Variants in ABCC4 observed in about 807,000 individuals in gnomAD.
ABCC4 encodes the protein ATP-binding cassette sub-family C member 4.
A neutral mutation model predicts 168.5 loss-of-function variants in ABCC4; 102 were observed. The ratio of observed to expected loss-of-function variants is 0.61; its 90% CI spans 0.52 to 0.71. ABCC4 has a LOEUF of 0.71. Ranked by LOEUF, ABCC4 falls within the 30% of genes least tolerant of loss-of-function variation. The probability of loss-of-function intolerance (pLI) is 0.00; values close to 1 mark genes in which losing one functional copy is unlikely to be tolerated. For synonymous variants in ABCC4, 617 were observed against 590.7 expected (o/e 1.04, Z -0.65); for missense variants, 1,402 against 1,605.8 (o/e 0.87, Z 2.17).
chr13:95,232,128 A>G (rs9524852), intron 4 of ABCC4, among the ~76,000 whole-genome samples: 6,280 of 135,236 alleles, frequency 0.046, 200 homozygotes, highest in South Asian at 0.096. Context: ...GCTGATGATG[A>G]TGGTGGTGGT....
intron 8 of ABCC4, 51 bp downstream of exon 8, chr13:95,206,481 T>C (rs775591548): frequency 1.3e-6 from 2 of 1,593,840 alleles, no homozygotes; most frequent in Non-Finnish European, 8.6e-7. Context: ...AAAGGAGACA[T>C]CATTCTACTT....
intron 1 of ABCC4, among the ~76,000 whole-genome samples, chr13:95,283,377 T>G (rs1461011493): frequency 9.9e-6 from 1 of 101,376 alleles, no homozygotes; most frequent in African/African-American, 4.2e-5. Context: ...TTTTTTTTTT[T>G]TTTTTTTTTT....
intron 19 of ABCC4, among the ~76,000 whole-genome samples, chr13:95,152,535 A>G (rs74242544): frequency 0.072 from 10,961 of 152,280 alleles, 506 homozygotes; most frequent in South Asian, 0.14. Flanking sequence ...CAAGGCTAAC[A>G]TAAGACAAGG....
chr13:95,239,702 A>C (rs1211213573), intron 3 of ABCC4, among the ~76,000 whole-genome samples: 1 of 152,188 alleles, frequency 6.6e-6, no homozygotes, highest in Non-Finnish European at 1.5e-5. Flanking sequence ...GCAATAACAA[A>C]AAATCCATTA....
At chr13:95,047,781 C>T (rs574007190) in intron 27 of ABCC4, among the ~76,000 whole-genome samples, 35 of 152,324 alleles carry the variant, frequency 2.3e-4, no homozygotes, top group Middle Eastern at 3.4e-3. Context: ...CTACGCCCAG[C>T]CGCCTATTTT....
intron 26 of ABCC4, among the ~76,000 whole-genome samples, chr13:95,053,449 T>C (rs946465559): frequency 6.6e-6 from 1 of 152,204 alleles, no homozygotes; most frequent in Non-Finnish European, 1.5e-5. Context: ...ACAGGCCTGA[T>C]GTTTAAAACT....
chr13:95,062,886 T>C, intron 25 of ABCC4, 27 bp from the exon 26 acceptor site: 1 of 1,371,162 alleles, frequency 7.3e-7, no homozygotes, highest in Non-Finnish European at 9.6e-7. Flanking sequence ...GCGGCAGGAT[T>C]AAAAAAAAAA....
chr13:95,095,950 C>T (rs910457681), intron 20 of ABCC4: 1 of 390,946 alleles, frequency 2.6e-6, no homozygotes, highest in Non-Finnish European at 4.5e-6. Flanking sequence ...TAAATAGGTG[C>T]TTACCCAAAT....
intron 1 of ABCC4, among the ~76,000 whole-genome samples, chr13:95,285,794 G>A (rs566450707): frequency 1.2e-4 from 18 of 152,138 alleles, no homozygotes; most frequent in Non-Finnish European, 1.9e-4. Flanking sequence ...TTAGGACCAG[G>A]AAAAGGAGAG....
chr13:95,154,384 T>C (rs1194135215), intron 19 of ABCC4, among the ~76,000 whole-genome samples: 1 of 152,182 alleles, frequency 6.6e-6, no homozygotes, highest in Non-Finnish European at 1.5e-5. Flanking sequence ...ATTGAGTACA[T>C]GAAAGCTGTC....
At chr13:95,243,870 A>G (rs2040010919) in intron 3 of ABCC4, among the ~76,000 whole-genome samples, 1 of 149,962 alleles carries the variant, frequency 6.7e-6, no homozygotes. Context: ...TGAGTGACAG[A>G]GTGAGACCCC....
At chr13:95,103,286 A>G (rs1265761031) in intron 20 of ABCC4, among the ~76,000 whole-genome samples, 1 of 152,136 alleles carries the variant, frequency 6.6e-6, no homozygotes, top group Non-Finnish European at 1.5e-5. Context: ...AACAGAAAAC[A>G]AAAACAAAAC....
chr13:95,200,767 T>C (rs1388694125), intron 8 of ABCC4, among the ~76,000 whole-genome samples: 1 of 152,130 alleles, frequency 6.6e-6, no homozygotes, highest in African/African-American at 2.4e-5. Flanking sequence ...AGCCAATGCC[T>C]GATGAAGCAG....
intron 30 of ABCC4, among the ~76,000 whole-genome samples, chr13:95,030,606 TAGAG>T (rs1057124886): frequency 6.6e-6 from 1 of 152,044 alleles, no homozygotes; most frequent in African/African-American, 2.4e-5. Context: ...CTGGTGTCCT[TAGAG>T]AAAGAGGTGA....
chr13:95,152,941 C>G (rs758754144), intron 19 of ABCC4, among the ~76,000 whole-genome samples: 1 of 152,086 alleles, frequency 6.6e-6, no homozygotes, highest in South Asian at 2.1e-4. Flanking sequence ...AACAGAACAG[C>G]GTTTCAAGCT....
At chr13:95,112,372 A>C (rs1222210894) in intron 20 of ABCC4, among the ~76,000 whole-genome samples, 2 of 151,938 alleles carry the variant, frequency 1.3e-5, no homozygotes, top group African/African-American at 4.8e-5. Context: ...AAAGAAAGTC[A>C]CATGGATAAA....
intron 1 of ABCC4, among the ~76,000 whole-genome samples, chr13:95,299,267 CAA>C (rs59178850): frequency 4.6e-5 from 6 of 129,826 alleles, no homozygotes; most frequent in Non-Finnish European, 3.2e-5. Flanking sequence ...GATCCTGTCT[CAA>C]AAAAAAAAAA....
At chr13:95,249,035 T>C (rs1410492251) in intron 1 of ABCC4, among the ~76,000 whole-genome samples, 2 of 151,898 alleles carry the variant, frequency 1.3e-5, no homozygotes, top group East Asian at 1.9e-4. Flanking sequence ...AGTGAGACTA[T>C]CTCAAAACAA....
intron 20 of ABCC4, among the ~76,000 whole-genome samples, chr13:95,084,448 C>T (rs1006588872): frequency 4.6e-5 from 7 of 152,070 alleles, no homozygotes; most frequent in African/African-American, 1.7e-4. Flanking sequence ...CATTAACATG[C>T]CCAATAAAGA....
Sources: allele counts gnomAD v4.1 joint callset (sites outside exome capture counted in the v4.1 genomes callset), GRCh38; gene constraint gnomAD v4.1.1; transcripts MANE v1.5; gene names NCBI Gene and HGNC (gene_info 2026-07-23, HGNC 2026-07-21).